OPN5: variants seen among roughly 807,000 people sequenced by gnomAD.
OPN5 encodes the protein opsin-5.
A neutral mutation model predicts 41.7 loss-of-function variants in OPN5; 18 were observed. That is an observed-to-expected ratio of 0.43 (90% CI 0.30 to 0.64). The LOEUF (loss-of-function observed/expected upper bound fraction) is 0.64. Ranked by LOEUF, OPN5 falls within the 30% of genes least tolerant of loss-of-function variation. OPN5 has a pLI of 0.13. For synonymous variants in OPN5, 178 were observed against 164.3 expected, an observed-to-expected ratio of 1.08 and a Z score of -0.64; for missense variants, 318 against 434.5, an observed-to-expected ratio of 0.73 and a Z score of 2.38.
intron 3 of OPN5, chr6:47,793,838 C>T (rs990562489): frequency 1.1e-6 from 1 of 894,954 alleles, no homozygotes; most frequent in Non-Finnish European, 1.3e-6. Context: ...ATGCACATTC[C>T]CATGAATATA....
exon 4 of OPN5, chr6:47,795,434 G>T (rs1346725691): frequency 1.2e-6 from 2 of 1,614,120 alleles, no homozygotes; most frequent in Non-Finnish European, 1.7e-6. Flanking sequence ...TCTGCCTCTT[G>T]CTCCCAACGG....
intron 1 of OPN5, among the ~76,000 whole-genome samples, chr6:47,784,941 A>G (rs530344311): frequency 6.6e-6 from 1 of 152,292 alleles, no homozygotes; most frequent in Non-Finnish European, 1.5e-5. Context: ...CCTGACACTC[A>G]TCTATAACAT....
intron 4 of OPN5, among the ~76,000 whole-genome samples, chr6:47,803,440 G>T (rs1773849540): frequency 6.6e-6 from 1 of 152,156 alleles, no homozygotes; most frequent in African/African-American, 2.4e-5. Flanking sequence ...TCACCCGCAT[G>T]CTCCTGTCAA....
chr6:47,796,520 C>T (rs1388315552), intron 4 of OPN5, among the ~76,000 whole-genome samples: 1 of 151,740 alleles, frequency 6.6e-6, no homozygotes, highest in African/African-American at 2.4e-5. Flanking sequence ...AATATTAGCA[C>T]CCCCTAATTT....
chr6:47,805,017 A>G (rs1003904597), intron 4 of OPN5, among the ~76,000 whole-genome samples: 1 of 152,234 alleles, frequency 6.6e-6, no homozygotes, highest in East Asian at 1.9e-4. Flanking sequence ...TGAACTCATC[A>G]TATGACTCAC....
intron 6 of OPN5, among the ~76,000 whole-genome samples, chr6:47,814,424 G>A (rs1360051329): frequency 4.6e-5 from 7 of 152,076 alleles, no homozygotes; most frequent in Non-Finnish European, 2.9e-5. Flanking sequence ...AATTAGCATA[G>A]TGAAAAGGAA....
chr6:47,818,167 A>G (rs995675738), intron 6 of OPN5, among the ~76,000 whole-genome samples: 4 of 152,182 alleles, frequency 2.6e-5, no homozygotes, highest in Non-Finnish European at 5.9e-5. Context: ...ATACACATCC[A>G]AATGAATAAA....
At chr6:47,819,238 C>T (rs1210483088) in intron 6 of OPN5, among the ~76,000 whole-genome samples, 1 of 149,496 alleles carries the variant, frequency 6.7e-6, no homozygotes, top group Non-Finnish European at 1.5e-5. Context: ...GAATATGTGG[C>T]TGTTGAACTC....
At chr6:47,789,944 G>T (rs1412774206) in intron 2 of OPN5, among the ~76,000 whole-genome samples, 3 of 151,158 alleles carry the variant, frequency 2.0e-5, no homozygotes, top group African/African-American at 7.3e-5. Flanking sequence ...TGAATAGGGA[G>T]GGCTACAGGT....
intron 4 of OPN5, among the ~76,000 whole-genome samples, chr6:47,803,384 C>T (rs1773847950): frequency 6.6e-6 from 1 of 152,076 alleles, no homozygotes; most frequent in South Asian, 2.1e-4. Context: ...TTCTTACTGG[C>T]CAGAATCAAA....
At chr6:47,812,327 GC>G (rs1561903225) in intron 6 of OPN5, among the ~76,000 whole-genome samples, 1 of 152,106 alleles carries the variant, frequency 6.6e-6, no homozygotes, top group Non-Finnish European at 1.5e-5. Context: ...AGTAATTTCC[GC>G]TGATGATAAT....
At chr6:47,801,583 C>CAT in intron 4 of OPN5, among the ~76,000 whole-genome samples, 1 of 152,330 alleles carries the variant, frequency 6.6e-6, no homozygotes, top group Non-Finnish European at 1.5e-5. Flanking sequence ...TAATTAATTA[C>CAT]ATCCCTCTGT....
intron 1 of OPN5, 129 bp from the exon 2 acceptor site, chr6:47,786,386 T>C (rs1773192352): frequency 1.5e-6 from 1 of 669,556 alleles, no homozygotes; most frequent in African/African-American, 1.8e-5. Flanking sequence ...AATTTAGATT[T>C]TTTTATTTAG....
chr6:47,813,464 C>T (rs55983864), intron 6 of OPN5, among the ~76,000 whole-genome samples: 3,728 of 152,158 alleles, frequency 0.025, 69 homozygotes, highest in Non-Finnish European at 0.035. Flanking sequence ...ATTATTAAGG[C>T]GAGTGGTGGT....
At chr6:47,809,896 G>C (rs1480312082) in intron 5 of OPN5, among the ~76,000 whole-genome samples, 1 of 152,226 alleles carries the variant, frequency 6.6e-6, no homozygotes, top group Non-Finnish European at 1.5e-5. Context: ...TTCTTCATCT[G>C]AAGGAGATGG....
chr6:47,819,354 A>ATTTATATATATATATATATATATAT (rs1389298718), intron 6 of OPN5, among the ~76,000 whole-genome samples: 3 of 59,042 alleles, frequency 5.1e-5, no homozygotes, highest in Admixed American at 2.5e-4. Context: ...TATATATATA[A>ATTTATATATATATATATATATATAT]AAAATATATT....
At chr6:47,820,508 G>A (rs1454165940) in intron 6 of OPN5, among the ~76,000 whole-genome samples, 1 of 152,074 alleles carries the variant, frequency 6.6e-6, no homozygotes, top group East Asian at 1.9e-4. Flanking sequence ...CTATTTCCTT[G>A]CTTGATTTAC....
intron 6 of OPN5, among the ~76,000 whole-genome samples, chr6:47,818,558 C>A (rs1365839854): frequency 6.6e-6 from 1 of 152,180 alleles, no homozygotes; most frequent in Non-Finnish European, 1.5e-5. Flanking sequence ...ATAGGATAAT[C>A]TCAATCTGCA....
chr6:47,786,575 A>G (rs760574303), exon 2 of OPN5: 1 of 1,611,360 alleles, frequency 6.2e-7, no homozygotes, highest in Non-Finnish European at 8.5e-7. Context: ...CGAAAGAAGA[A>G]GCTGAGACCC....
Sources: gnomAD v4.1 joint callset for allele counts (sites outside exome capture counted in the v4.1 genomes callset) on GRCh38, gnomAD v4.1.1 for gene constraint, MANE v1.5 for transcripts, NCBI Gene and HGNC (gene_info 2026-07-23, HGNC 2026-07-21) for gene names.